The following EYS variants were observed in gnomAD, a reference collection of about 807,000 sequenced individuals.
EYS encodes the protein protein eyes shut homolog.
A neutral mutation model predicts 282.1 loss-of-function variants in EYS; 250 were observed. That is an observed-to-expected ratio of 0.89 (90% CI 0.80 to 0.98). EYS has a LOEUF of 0.98. EYS is among the 50% of genes least tolerant of loss of function. The pLI is 0.00. For missense variants in EYS, 4,016 were observed against 3,709.0 expected, an observed-to-expected ratio of 1.08 and a Z score of -2.15; for synonymous variants, 1,355 against 1,282.9, an observed-to-expected ratio of 1.06 and a Z score of -1.20.
chr6:64,395,942 G>A (rs1377200745), intron 28 of EYS, among the ~76,000 whole-genome samples: 3 of 151,866 alleles, frequency 2.0e-5, no homozygotes, highest in Admixed American at 6.6e-5. Context: ...ATAATAAAGA[G>A]GGTAAAGGAT....
intron 29 of EYS, among the ~76,000 whole-genome samples, chr6:64,351,439 A>G (rs1373116615): frequency 6.7e-6 from 1 of 149,642 alleles, no homozygotes; most frequent in Non-Finnish European, 1.5e-5. Flanking sequence ...GCATCCATCT[A>G]TCTATCTATC....
At chr6:65,223,845 C>A (rs968901739) in intron 12 of EYS, among the ~76,000 whole-genome samples, 2 of 152,082 alleles carry the variant, frequency 1.3e-5, no homozygotes, top group Admixed American at 6.6e-5. Flanking sequence ...GTTGGTCCAC[C>A]ACATATAAGA....
At chr6:63,766,940 A>T (rs915481082) in intron 40 of EYS, among the ~76,000 whole-genome samples, 3 of 152,084 alleles carry the variant, frequency 2.0e-5, no homozygotes, top group Non-Finnish European at 4.4e-5. Context: ...ACACAAATTG[A>T]TAAATTTGAT....
intron 41 of EYS, among the ~76,000 whole-genome samples, chr6:63,754,963 T>C (rs546898620): frequency 5.3e-5 from 8 of 152,368 alleles, no homozygotes; most frequent in African/African-American, 9.6e-5. Flanking sequence ...TGTTTTTATA[T>C]GTCTGTTGGC....
intron 30 of EYS, among the ~76,000 whole-genome samples, chr6:64,235,718 T>C (rs1766582189): frequency 1.3e-5 from 2 of 152,314 alleles, no homozygotes; most frequent in South Asian, 2.1e-4. Flanking sequence ...AGTGTAAAAG[T>C]GTTCCAATTT....
At chr6:65,516,838 T>G (rs1025163812) in intron 2 of EYS, among the ~76,000 whole-genome samples, 8 of 152,052 alleles carry the variant, frequency 5.3e-5, no homozygotes, top group Non-Finnish European at 1.2e-4. Flanking sequence ...AAGAAGAGTT[T>G]ATGAGAAAAC....
At chr6:63,831,029 C>A (rs890243244) in intron 36 of EYS, among the ~76,000 whole-genome samples, 3 of 152,146 alleles carry the variant, frequency 2.0e-5, no homozygotes, top group Non-Finnish European at 4.4e-5. Context: ...GAGATTTTGT[C>A]ACCACCAGGC....
At chr6:65,530,331 C>T (rs2127307518) in intron 2 of EYS, among the ~76,000 whole-genome samples, 1 of 152,268 alleles carries the variant, frequency 6.6e-6, no homozygotes, top group Admixed American at 6.5e-5. Context: ...AGTCAGCAAA[C>T]AATGGCCTGT....
intron 32 of EYS, among the ~76,000 whole-genome samples, chr6:64,080,096 C>A (rs978009213): frequency 6.6e-6 from 1 of 152,186 alleles, no homozygotes; most frequent in African/African-American, 2.4e-5. Context: ...AATGGGATGG[C>A]TGGGTCAAAT....
intron 22 of EYS, among the ~76,000 whole-genome samples, chr6:64,640,451 C>T (rs1307617272): frequency 1.3e-5 from 2 of 151,950 alleles, no homozygotes; most frequent in Non-Finnish European, 2.9e-5. Flanking sequence ...ATATCATTCT[C>T]AGTAAACTAT....
At chr6:64,254,151 C>T (rs1212067410) in intron 30 of EYS, among the ~76,000 whole-genome samples, 1 of 152,104 alleles carries the variant, frequency 6.6e-6, no homozygotes, top group Non-Finnish European at 1.5e-5. Flanking sequence ...GTAATACCCT[C>T]TTGCCTCACT....
intron 12 of EYS, among the ~76,000 whole-genome samples, chr6:65,276,710 A>T: frequency 7.1e-6 from 1 of 140,744 alleles, no homozygotes; most frequent in African/African-American, 2.4e-5. Context: ...TCAAGAATAA[A>T]CATCTAGGTC....
chr6:63,966,576 T>C (rs944139938), intron 35 of EYS, among the ~76,000 whole-genome samples: 2 of 152,138 alleles, frequency 1.3e-5, no homozygotes, highest in African/African-American at 4.8e-5. Flanking sequence ...GAACATGCCA[T>C]AGGAAGCAGT....
intron 14 of EYS, among the ~76,000 whole-genome samples, chr6:64,992,636 A>G (rs1235034527): frequency 5.3e-5 from 8 of 151,884 alleles, no homozygotes; most frequent in African/African-American, 1.5e-4. Context: ...TTTTGCTACA[A>G]AAATTGAATT....
chr6:65,289,214 T>C (rs994476529), intron 12 of EYS, among the ~76,000 whole-genome samples: 1 of 151,034 alleles, frequency 6.6e-6, no homozygotes, highest in African/African-American at 2.4e-5. Context: ...CTTTTAAGTA[T>C]ATGCTAAATA....
intron 35 of EYS, among the ~76,000 whole-genome samples, chr6:63,946,475 A>G (rs1372983464): frequency 6.6e-6 from 1 of 152,180 alleles, no homozygotes; most frequent in Non-Finnish European, 1.5e-5. Context: ...CATACTAATC[A>G]TTCTTTCTGG....
rs115477180 is a variant in EYS at position 64,697,382 on chromosome 6, G to A, written c.3444-71137C>T. On this transcript the variant is annotated intron_variant, in intron 22 of 42. Transcript: ENST00000503581. ...ACCCCAAACTGGAGAACCCACATTC[G>A]TAAAACAAATATTATTAGACCTAAG... 4.7e-3 allele frequency among the ~76,000 whole-genome samples: 713 copies of A among 152,134 alleles called. 5 individuals carry two copies. Among genetic ancestry groups the A allele is most frequent in the African/African-American group, 0.016 (658 of 41,522 alleles).
At chr6:65,003,083 A>G (rs1402113894) in intron 13 of EYS, among the ~76,000 whole-genome samples, 1 of 147,924 alleles carries the variant, frequency 6.8e-6, no homozygotes, top group Non-Finnish European at 1.5e-5. Flanking sequence ...AATGTTTAGG[A>G]AACAAGAGAG....
intron 1 of EYS, among the ~76,000 whole-genome samples, chr6:65,675,303 G>T (rs1287479394): frequency 1.3e-5 from 2 of 151,440 alleles, no homozygotes; most frequent in African/African-American, 2.4e-5. Context: ...CCAATAAAAA[G>T]ATACAGAGTA....
Sources: gnomAD v4.1 joint callset for allele counts (sites outside exome capture counted in the v4.1 genomes callset) on GRCh38, gnomAD v4.1.1 for gene constraint, MANE v1.5 for transcripts, NCBI Gene and HGNC (gene_info 2026-07-23, HGNC 2026-07-21) for gene names.